The following INPP5F variants were observed in gnomAD, a reference collection of about 807,000 sequenced individuals.
INPP5F encodes inositol polyphosphate-5-phosphatase F.
A neutral mutation model predicts 137.2 loss-of-function variants in INPP5F; 97 were observed. That is an observed-to-expected ratio of 0.71 (90% confidence interval 0.60 to 0.84). INPP5F has a LOEUF of 0.84. INPP5F is among the 40% of genes least tolerant of loss of function. INPP5F has a pLI of 0.00. For missense variants in INPP5F, 1,271 were observed against 1,371.9 expected (o/e 0.93, Z 1.16); for synonymous variants, 504 against 476.9 (o/e 1.06, Z -0.74).
chr10:119,781,683 A>T lies in INPP5F; in HGVS notation c.227A>T (p.Lys76Ile). The part of the protein sequence containing the change: ...ILIRQKALVG[K>I]LPGDHEVCKV... Reference sequence around the variant, plus strand: ...ATTCGGCAGAAAGCATTGGTGGGCAAACTCCCAGGAGACCATGAGGTCTGT... The same window carrying T: ...ATTCGGCAGAAAGCATTGGTGGGCATACTCCCAGGAGACCATGAGGTCTGT... The change falls in exon 3 of 20, where the codon AAA (lysine) becomes ATA (isoleucine). Residue 76 changes from lysine (K) to isoleucine (I), a missense_variant. Physicochemically the swap from Lys to Ile is moderately radical, Grantham distance 102 (BLOSUM62 -3). Transcript: ENST00000650623. 1 of 1,612,890 alleles carries T rather than the reference A, an allele frequency of 6.2e-7. No homozygotes were observed. The highest frequency in any genetic ancestry group is 2.2e-5 in the East Asian group (1 of 44,864).
At position 119,785,400 on chromosome 10, in the gene INPP5F, T is replaced by C. The variant is rs545285286; in HGVS notation, c.315+3629T>C. 3.3e-5 allele frequency among the ~76,000 whole-genome samples: 5 copies of C among 151,122 alleles called. 1 individual carries two copies. The highest frequency in any genetic ancestry group is 1.2e-4 in the African/African-American group (5 of 41,164). On this transcript the variant is annotated intron_variant, in intron 3 of 19. Transcript: ENST00000650623. ...TCCCGGGTTCAAACGATTCTCCTGC[T>C]TCAGTCTCCCGAGTAGCTGGGACTA...
intron 9 of INPP5F, 58 bp downstream of exon 9, chr10:119,798,668 T>C: frequency 8.2e-7 from 1 of 1,218,092 alleles, no homozygotes; most frequent in South Asian, 1.3e-5. Flanking sequence ...AACTTTTTCT[T>C]TAAGTTTCAT....
intron 2 of INPP5F, among the ~76,000 whole-genome samples, chr10:119,758,032 C>A (rs1297655389): frequency 1.3e-5 from 2 of 152,158 alleles, no homozygotes; most frequent in African/African-American, 4.8e-5. Context: ...TGTCCCATGG[C>A]CTGTACTCAG....
At position 119,794,176 on chromosome 10, in the gene INPP5F, T is replaced by C. The variant is rs201599675; in HGVS notation, c.669+1963T>C. Among the ~76,000 whole-genome samples the C allele has an allele frequency of 5.2e-3, 793 of 151,962 alleles. 18 individuals are homozygous for C. The highest frequency in any genetic ancestry group is 0.045 in the East Asian group (232 of 5,154). On this transcript the variant is annotated intron_variant, in intron 6 of 19. Coordinates refer to ENST00000650623, the MANE Select transcript of INPP5F (RefSeq NM_014937.4). ...CAGAGGACCCTGCGGCCTTCCGCAG[T>C]GTTTGTGTCCCTGGGTACTTGAGAT...
chr10:119,757,393 A>G (rs1848879996), intron 2 of INPP5F, among the ~76,000 whole-genome samples: 1 of 151,964 alleles, frequency 6.6e-6, no homozygotes, highest in Admixed American at 6.6e-5. Context: ...GAGGAACAGA[A>G]AGTAGGAGGG....
intron 9 of INPP5F, 35 bp from the exon 10 acceptor site, chr10:119,804,138 C>G (rs371986845): frequency 6.0e-6 from 9 of 1,488,280 alleles, no homozygotes; most frequent in Non-Finnish European, 7.3e-6. Flanking sequence ...ATTCTAAAAT[C>G]TAACTAAATT....
chr10:119,758,829 A>G (rs1848923068), intron 2 of INPP5F, among the ~76,000 whole-genome samples: 2 of 152,220 alleles, frequency 1.3e-5, no homozygotes, highest in Non-Finnish European at 2.9e-5. Context: ...CCACTTTTGT[A>G]GTGGTGACGA....
rs527725505 is a variant in INPP5F, at chr10:119,785,532, G to C, written c.315+3761G>C. 2.9e-5 allele frequency among the ~76,000 whole-genome samples: 4 copies of C among 137,088 alleles called. No individual in the cohort carries two copies. The East Asian group carries it at 6.6e-4, about 23-fold the overall frequency. 89.9% of individuals were successfully genotyped at this position (137,088 alleles called of 152,430 possible). The stretch of plus-strand genomic sequence containing the variant: ...TCTTGATCTCCTGACCTTGTGATCC[G>C]CTCGAGAGAGAGAGAGAGAGAGAGA... On this transcript the variant is annotated intron_variant, in intron 3 of 19. Transcript: ENST00000650623.
rs1156920563 is a variant in INPP5F, at chr10:119,821,360, GCA to G, written c.1958+444_1958+445del. On this transcript the variant is annotated intron_variant, in intron 16 of 19. Coordinates refer to ENST00000650623, the MANE Select transcript of INPP5F (RefSeq NM_014937.4). ...AACGTGTGTGTGTGTGTGTGTGTGT[GCA>G]TGTGCCTGCGCACTTCTTTGGTTAC... Among the ~76,000 whole-genome samples, 27 of 150,952 alleles carry G rather than the reference GCA, an allele frequency of 1.8e-4. No individual in the cohort carries two copies. In the South Asian group the frequency reaches 5.7e-3, roughly 32 times the overall value.
At chr10:119,786,032 C>T (rs1431346412) in intron 3 of INPP5F, among the ~76,000 whole-genome samples, 1 of 152,156 alleles carries the variant, frequency 6.6e-6, no homozygotes, top group Admixed American at 6.5e-5. Context: ...TGGATAACCG[C>T]ATCATTTTCC....
rs2134239662 is a variant in INPP5F, at chr10:119,804,289, T to C, written c.1233T>C (p.His411=). 1 of 1,611,504 alleles carries C rather than the reference T, an allele frequency of 6.2e-7. No homozygotes were observed. Among genetic ancestry groups the C allele is most frequent in the Non-Finnish European group, 8.5e-7 (1 of 1,179,388 alleles). ...TCACTTACGTTTCGTTTGACTTCCATGAGCACTGGTAAGATGGCTTTCGGA... is the reference window on the plus strand; with the variant it reads ...TCACTTACGTTTCGTTTGACTTCCACGAGCACTGGTAAGATGGCTTTCGGA... ...SHLTYVSFDF[H]EHCRGMKFEN... is the part of the protein sequence containing the mutation. The change falls in exon 10 of 20, where the codon CAT becomes CAC. Residue 411 remains histidine, a synonymous_variant. Transcript: ENST00000650623.
chr10:119,827,908 C>T lies in INPP5F; in HGVS notation c.*128C>T, dbSNP rs946610896. 48 of 754,134 alleles carry T rather than the reference C, an allele frequency of 6.4e-5. No individual in the cohort carries two copies. Among genetic ancestry groups the T allele is most frequent in the African/African-American group, 4.8e-4 (27 of 56,348 alleles). The allele number at this position is 754,134 out of a possible 1,614,324, so 46.7% of individuals were successfully genotyped here. A position where few individuals can be genotyped will look rare whatever the true frequency, so the allele number is the denominator to read the frequency against. On this transcript the variant is annotated 3_prime_UTR_variant, in exon 20 of 20. Transcript: ENST00000650623. Reference sequence around the variant, plus strand: ...TCTGTTCATTGGAAAGGGTTTTAAACGGAGTCGGAACCTGAGTAGATTTCC... The same window carrying T: ...TCTGTTCATTGGAAAGGGTTTTAAATGGAGTCGGAACCTGAGTAGATTTCC...
At chr10:119,825,923 T>C (rs1851740298) in intron 19 of INPP5F, 2 of 398,466 alleles carry the variant, frequency 5.0e-6, no homozygotes, top group Non-Finnish European at 8.9e-6. Flanking sequence ...TTGTGGCAAA[T>C]AGCATCAACT....
chr10:119,767,964 C>G (rs187071410), intron 2 of INPP5F, among the ~76,000 whole-genome samples: 262 of 152,152 alleles, frequency 1.7e-3, no homozygotes, highest in African/African-American at 6.1e-3. Flanking sequence ...GACAGAGGAA[C>G]GTGAGTATTC....
At chr10:119,793,321 G>A (rs1313710637) in intron 6 of INPP5F, among the ~76,000 whole-genome samples, 1 of 152,180 alleles carries the variant, frequency 6.6e-6, no homozygotes, top group East Asian at 1.9e-4. Context: ...ATGGTGATAA[G>A]AATGCAGGTA....
chr10:119,810,351 T>C (rs1054814522), intron 14 of INPP5F, 134 bp downstream of exon 14: 1 of 500,514 alleles, frequency 2.0e-6, no homozygotes, highest in Non-Finnish European at 3.5e-6. Context: ...TCTTACCCAA[T>C]ATATCAAATT....
chr10:119,734,490 A>G (rs1172091980), intron 1 of INPP5F, among the ~76,000 whole-genome samples: 2 of 152,152 alleles, frequency 1.3e-5, no homozygotes, highest in Non-Finnish European at 2.9e-5. Flanking sequence ...TCATTCCCAA[A>G]CCATGACTTT....
chr10:119,749,934 A>G (rs1186916261), intron 1 of INPP5F, among the ~76,000 whole-genome samples: 1 of 152,048 alleles, frequency 6.6e-6, no homozygotes, highest in Non-Finnish European at 1.5e-5. Flanking sequence ...GCGTGCCACC[A>G]TGCCTGGCTA....
At chr10:119,804,034 A>G in intron 9 of INPP5F, 139 bp from the exon 10 acceptor site, 2 of 562,084 alleles carry the variant, frequency 3.6e-6, no homozygotes, top group Non-Finnish European at 5.9e-6. Flanking sequence ...TTAATTTCTA[A>G]GTATGGCTAT....
Sources: gnomAD v4.1 joint callset for allele counts (sites outside exome capture counted in the v4.1 genomes callset) on GRCh38, gnomAD v4.1.1 for gene constraint, MANE v1.5 for transcripts, NCBI Gene and HGNC (gene_info 2026-07-23, HGNC 2026-07-21) for gene names.